AGTPBP1: variants seen among roughly 807,000 people sequenced by gnomAD.
The protein encoded by AGTPBP1 is cytosolic carboxypeptidase 1.
AGTPBP1 carries 70 observed loss-of-function variants against 143.9 expected under a neutral mutation model. That is an observed-to-expected ratio of 0.49 (90% CI 0.40 to 0.59). AGTPBP1 has a LOEUF of 0.59. Ranked by LOEUF, AGTPBP1 falls within the 20% of genes least tolerant of loss-of-function variation. The pLI is 0.00. For missense variants in AGTPBP1, 1,229 were observed against 1,464.5 expected (o/e 0.84, Z 2.62); for synonymous variants, 463 against 500.2 (o/e 0.93, Z 0.99).
rs573909668 is a variant in AGTPBP1 at position 85,632,407 on chromosome 9, T to C, written c.2015+255A>G. On this transcript the variant is annotated intron_variant, in intron 14 of 25. Transcript: ENST00000357081. ...TTTGTATTTTGAGATTCAGTATTAA[T>C]AGAAAATTTCTAAACTATCCAATGG... Among the ~76,000 whole-genome samples the C allele has an allele frequency of 2.0e-5, 3 of 152,378 alleles. No individual in the cohort carries two copies. The South Asian group carries it at 6.2e-4, about 32-fold the overall frequency.
chr9:85,766,756 A>C, the AGTPBP1 span, among the ~76,000 whole-genome samples: 132 of 152,280 alleles, frequency 8.7e-4, 1 homozygote, highest in South Asian at 0.021. Context: ...CAAGGTTAAT[A>C]TTCCAAATAG....
At chr9:85,556,569 C>G (rs1485131764) in intron 25 of AGTPBP1, among the ~76,000 whole-genome samples, 1 of 152,014 alleles carries the variant, frequency 6.6e-6, no homozygotes, top group East Asian at 1.9e-4. Flanking sequence ...ATACAATTAC[C>G]TGGTACATAC....
chr9:85,572,002 GTGTTTTTTTTTTTTTTTTTTTTTTTTT>G (rs1827507607), intron 25 of AGTPBP1, among the ~76,000 whole-genome samples: 1 of 85,288 alleles, frequency 1.2e-5, no homozygotes, highest in African/African-American at 3.6e-5. Context: ...TTGTTTGTGT[GTGTTTTTTTTTTTTTTTTTTTTTTTTT>G]TTTTTTTTTT....
At chr9:85,572,928 T>C (rs1018359783) in intron 25 of AGTPBP1, among the ~76,000 whole-genome samples, 3 of 152,182 alleles carry the variant, frequency 2.0e-5, no homozygotes, top group African/African-American at 7.2e-5. Flanking sequence ...GGCAGAGCAA[T>C]AAATTAACAA....
At chr9:85,562,881 G>C (rs186704729) in intron 25 of AGTPBP1, among the ~76,000 whole-genome samples, 136 of 152,266 alleles carry the variant, frequency 8.9e-4, no homozygotes, top group African/African-American at 3.2e-3. Context: ...GGTATTAGGA[G>C]GCGGGCCTTT....
chr9:85,613,418 A>C, intron 17 of AGTPBP1, among the ~76,000 whole-genome samples: 1 of 152,068 alleles, frequency 6.6e-6, no homozygotes, highest in East Asian at 1.9e-4. Context: ...TTTAAGTACC[A>C]AAAAATTGGA....
the AGTPBP1 span, among the ~76,000 whole-genome samples, chr9:85,785,158 C>A: frequency 1.3e-5 from 2 of 152,034 alleles, no homozygotes; most frequent in Non-Finnish European, 2.9e-5. Flanking sequence ...CACGGTGAAA[C>A]CCCATCTCTA....
chr9:85,657,725 T>G, intron 9 of AGTPBP1, 82 bp from the exon 10 acceptor site: 3 of 946,812 alleles, frequency 3.2e-6, no homozygotes, highest in Non-Finnish European at 4.7e-6. Context: ...AAATATTACC[T>G]CAATATTGTG....
the AGTPBP1 span, among the ~76,000 whole-genome samples, chr9:85,757,200 C>T: frequency 1.3e-5 from 2 of 152,118 alleles, no homozygotes; most frequent in Non-Finnish European, 2.9e-5. Flanking sequence ...CCGAGTAGCT[C>T]GGACTACAGG....
intron 25 of AGTPBP1, chr9:85,554,136 A>G (rs1468828015): frequency 1.3e-5 from 2 of 152,340 alleles, no homozygotes; most frequent in East Asian, 1.9e-4. Flanking sequence ...TCAGCAAAGA[A>G]AAAAAGGTGC....
intron 25 of AGTPBP1, among the ~76,000 whole-genome samples, chr9:85,572,972 T>C (rs1827609383): frequency 6.6e-6 from 1 of 151,986 alleles, no homozygotes; most frequent in African/African-American, 2.4e-5. Flanking sequence ...ACAACAAAAA[T>C]CATGAAGGTT....
At chr9:85,650,502 T>C (rs1833095883) in intron 11 of AGTPBP1, among the ~76,000 whole-genome samples, 1 of 152,208 alleles carries the variant, frequency 6.6e-6, no homozygotes, top group Non-Finnish European at 1.5e-5. Context: ...TTGTACAGAA[T>C]ACACGTAACA....
chr9:85,666,347 TTCC>T lies in AGTPBP1; in HGVS notation c.662+3135_662+3137del, dbSNP rs765890508. On this transcript the variant is annotated intron_variant, in intron 8 of 25. Coordinates refer to ENST00000357081, the MANE Select transcript of AGTPBP1 (RefSeq NM_001330701.2). ...AAGCATAACCCTCCAAATACAACTC[TTCC>T]TCAATCGTCTTCCCATTAAATGTGG... is the stretch of plus-strand genomic sequence containing the variant. Among the ~76,000 whole-genome samples the T allele has an allele frequency of 7.2e-5, 11 of 152,108 alleles. No homozygotes were observed. The South Asian group carries it at 2.3e-3, about 32-fold the overall frequency.
the AGTPBP1 span, among the ~76,000 whole-genome samples, chr9:85,768,978 G>A: frequency 6.6e-6 from 1 of 151,342 alleles, no homozygotes; most frequent in South Asian, 2.1e-4. Context: ...AAACCCAAGA[G>A]GTGGAGGTTG....
intron 1 of AGTPBP1, among the ~76,000 whole-genome samples, chr9:85,714,327 C>T (rs62570597): frequency 0.015 from 2,259 of 152,270 alleles, 25 homozygotes; most frequent in Middle Eastern, 0.037. Context: ...TGTGCCTTAT[C>T]CTTTAATCAC....
At chr9:85,562,241 A>T (rs969455756) in intron 25 of AGTPBP1, among the ~76,000 whole-genome samples, 9 of 152,124 alleles carry the variant, frequency 5.9e-5, no homozygotes, top group African/African-American at 2.2e-4. Flanking sequence ...AAAAAAAAAA[A>T]TACAGGACAG....
chr9:85,607,747 A>T (rs918875859), intron 17 of AGTPBP1, among the ~76,000 whole-genome samples: 1 of 152,164 alleles, frequency 6.6e-6, no homozygotes, highest in African/African-American at 2.4e-5. Flanking sequence ...ATAATCATTA[A>T]TGTACTATAA....
intron 11 of AGTPBP1, among the ~76,000 whole-genome samples, chr9:85,650,422 T>C (rs1269576900): frequency 2.0e-5 from 3 of 152,302 alleles, no homozygotes; most frequent in South Asian, 2.1e-4. Flanking sequence ...CTCCACTTAA[T>C]GAACAGTAAA....
At position 85,578,966 on chromosome 9, in the gene AGTPBP1, T is replaced by TA; in HGVS notation, c.3295dup (p.Tyr1099LeufsTer11). On this transcript the variant is annotated frameshift_variant, in exon 24 of 26. Coordinates refer to ENST00000357081, the MANE Select transcript of AGTPBP1 (RefSeq NM_001330701.2). LOFTEE classifies it high-confidence loss of function. Reference sequence around the variant, plus strand: ...GCCACATAAAGTACTCTCCATGGTATAACTTCTTTGTACTCCTATTTCCCT... The same window carrying TA: ...GCCACATAAAGTACTCTCCATGGTATAAACTTCTTTGTACTCCTATTTCCCT... 6.2e-7 allele frequency: 1 copy of TA among 1,613,612 alleles called. No homozygotes were observed. The highest frequency in any genetic ancestry group is 8.5e-7 in the Non-Finnish European group (1 of 1,179,820).
Sources: gnomAD v4.1 joint callset for allele counts (sites outside exome capture counted in the v4.1 genomes callset) on GRCh38, gnomAD v4.1.1 for gene constraint, MANE v1.5 for transcripts, NCBI Gene and HGNC (gene_info 2026-07-23, HGNC 2026-07-21) for gene names.